PRKG2: variants seen among roughly 807,000 people sequenced by gnomAD.
PRKG2 encodes the protein protein kinase cGMP-dependent 2.
In PRKG2, 33 loss-of-function variants were observed where a neutral mutation model predicts 97.2. The ratio of observed to expected loss-of-function variants is 0.34; its 90% CI spans 0.26 to 0.45. PRKG2 has a LOEUF of 0.45. PRKG2 is among the 20% of genes least tolerant of loss of function. The pLI is 1.00. For synonymous variants in PRKG2, 330 were observed against 321.8 expected (o/e 1.03, Z -0.27); for missense variants, 638 against 900.0 (o/e 0.71, Z 3.73).
chr4:81,156,576 T>A (rs6848802), intron 6 of PRKG2, among the ~76,000 whole-genome samples: 41 of 152,070 alleles, frequency 2.7e-4, no homozygotes, highest in South Asian at 2.1e-3. Flanking sequence ...TGCACCAAGC[T>A]GACCTAATAG....
chr4:81,155,375 A>C lies in PRKG2; in HGVS notation c.913-1654T>G, dbSNP rs1748964144. Among the ~76,000 whole-genome samples, 3 of 152,112 alleles carry C rather than the reference A, an allele frequency of 2.0e-5. No homozygotes were observed. The South Asian group carries it at 6.2e-4, about 32-fold the overall frequency. Reference sequence around the variant, plus strand: ...TGAAATGAAGCGAGAAGGGAAGTTTAGAGAAAAAAGATAAAAAGAAACGAG... The same window carrying C: ...TGAAATGAAGCGAGAAGGGAAGTTTCGAGAAAAAAGATAAAAAGAAACGAG... On this transcript the variant is annotated intron_variant, in intron 6 of 18. Transcript: ENST00000264399.
chr4:81,138,579 A>T (rs998881909), intron 12 of PRKG2, among the ~76,000 whole-genome samples: 41 of 152,282 alleles, frequency 2.7e-4, no homozygotes, highest in Non-Finnish European at 5.4e-4. Flanking sequence ...TTGAAAAAAA[A>T]ATATCCATTT....
At chr4:81,174,094 T>A (rs771553534) in intron 3 of PRKG2, among the ~76,000 whole-genome samples, 1 of 152,038 alleles carries the variant, frequency 6.6e-6, no homozygotes, top group Non-Finnish European at 1.5e-5. Flanking sequence ...CAAAAATAAA[T>A]CATTTGCCTA....
intron 2 of PRKG2, among the ~76,000 whole-genome samples, chr4:81,182,628 T>G (rs1056748350): frequency 6.6e-6 from 1 of 152,050 alleles, no homozygotes; most frequent in Non-Finnish European, 1.5e-5. Context: ...TTCCAAAAGA[T>G]ATGATTATGT....
chr4:81,121,246 G>A (rs1213644055), intron 14 of PRKG2, among the ~76,000 whole-genome samples: 1 of 151,992 alleles, frequency 6.6e-6, no homozygotes, highest in Non-Finnish European at 1.5e-5. Context: ...ATATTGGTCT[G>A]TAGTTTTTTA....
At position 81,152,003 on chromosome 4, in the gene PRKG2, T is replaced by C. The variant is rs1457342227; in HGVS notation, c.1042A>G (p.Thr348Ala). The C allele has an allele frequency of 1.2e-6, 2 of 1,613,266 alleles. No homozygotes were observed. The highest frequency in any genetic ancestry group is 1.7e-6 in the Non-Finnish European group (2 of 1,179,586). Residue 348 changes from threonine to alanine, a missense_variant, in exon 8 of 19, where the codon ACA becomes GCA. Coordinates refer to ENST00000264399, the MANE Select transcript of PRKG2 (RefSeq NM_006259.3). The stretch of plus-strand genomic sequence containing the variant: ...CCAAAGTATTCTCCTTTCTGCAGTG[T>C]TTTTATCAGCTGTGGTTGATCATGG... The part of the protein sequence containing the change: ...EGHDQPQLIK[T>A]LQKGEYFGEK...
At chr4:81,172,093 T>C (rs1029904302) in intron 3 of PRKG2, among the ~76,000 whole-genome samples, 1 of 151,884 alleles carries the variant, frequency 6.6e-6, no homozygotes, top group Non-Finnish European at 1.5e-5. Context: ...TGAAATAAGT[T>C]AATCTAGGTA....
intron 2 of PRKG2, among the ~76,000 whole-genome samples, chr4:81,203,726 GCA>G (rs147529509): frequency 6.0e-5 from 9 of 150,430 alleles, no homozygotes; most frequent in South Asian, 4.2e-4. Flanking sequence ...ACATGTGTGC[GCA>G]CACACACACA....
intron 10 of PRKG2, among the ~76,000 whole-genome samples, chr4:81,143,899 C>T (rs1184787494): frequency 1.3e-5 from 2 of 152,184 alleles, no homozygotes; most frequent in African/African-American, 4.8e-5. Flanking sequence ...TATAACCCTG[C>T]TCTTTACCTC....
rs961304241 is a variant in PRKG2 at position 81,178,513 on chromosome 4, G to A, written c.462-3554C>T. 4.6e-5 allele frequency among the ~76,000 whole-genome samples: 7 copies of A among 152,116 alleles called. No individual in the cohort carries two copies. The East Asian group carries it at 9.7e-4, about 21-fold the overall frequency. On this transcript the variant is annotated intron_variant, in intron 2 of 18. Transcript: ENST00000264399. The stretch of plus-strand genomic sequence containing the variant: ...ACAAATGGAGATGTCAGTAGAAAAC[G>A]TGAATATTTAAAGAAATCAAATGGA...
chr4:81,110,666 T>A (rs1243370767), intron 14 of PRKG2, 55 bp from the exon 15 acceptor site: 1 of 1,593,556 alleles, frequency 6.3e-7, no homozygotes, highest in African/African-American at 1.4e-5. Context: ...ATGCTCCTCT[T>A]TAAGCCTCCC....
At position 81,105,812 on chromosome 4, in the gene PRKG2, C is replaced by T. The variant is rs1234447732; in HGVS notation, c.2063+1G>A. ...AAGGGGTTACTGACTGTCATTCTCA[C>T]CTGCAAAGCCTCCGAATCAAATCCT... On this transcript the variant is annotated splice_donor_variant, in intron 16 of 18. Coordinates refer to ENST00000264399, the MANE Select transcript of PRKG2 (RefSeq NM_006259.3). LOFTEE classifies it high-confidence loss of function. 2 of 1,613,604 alleles carry T rather than the reference C, an allele frequency of 1.2e-6. No individual in the cohort carries two copies. The highest frequency in any genetic ancestry group is 1.1e-5 in the South Asian group (1 of 91,068).
At chr4:81,139,132 A>G (rs1747002247) in intron 12 of PRKG2, among the ~76,000 whole-genome samples, 1 of 152,192 alleles carries the variant, frequency 6.6e-6, no homozygotes, top group South Asian at 2.1e-4. Flanking sequence ...GTGGTCTATA[A>G]TAATTAATAT....
chr4:81,118,125 T>G (rs1192652851), intron 14 of PRKG2, among the ~76,000 whole-genome samples: 1 of 152,250 alleles, frequency 6.6e-6, no homozygotes, highest in East Asian at 1.9e-4. Context: ...CTTTTTTCAC[T>G]TAATAATATG....
In PRKG2 at chr4:81,107,255, G is replaced by A. The variant is rs536491150; in HGVS notation, c.1941-1320C>T. ...GCAGGAAGGTAGATTTATGACATAG[G>A]CATTTAGGAAAGGGGTTAAGGCTCA... On this transcript the variant is annotated intron_variant, in intron 15 of 18. Transcript: ENST00000264399. Among the ~76,000 whole-genome samples, 38 of 152,238 alleles carry A rather than the reference G, an allele frequency of 2.5e-4. 2 individuals carry two copies. The South Asian group carries it at 7.2e-3, about 29-fold the overall frequency.
At chr4:81,101,048 T>C (rs1332034061) in intron 17 of PRKG2, among the ~76,000 whole-genome samples, 3 of 151,876 alleles carry the variant, frequency 2.0e-5, no homozygotes, top group Non-Finnish European at 4.4e-5. Context: ...ATGGCGATCA[T>C]TAAAAAGTCA....
chr4:81,176,609 T>C (rs1213013001), intron 2 of PRKG2, among the ~76,000 whole-genome samples: 1 of 152,172 alleles, frequency 6.6e-6, no homozygotes, highest in Non-Finnish European at 1.5e-5. Flanking sequence ...TGCCCACATA[T>C]ACTAATTTTC....
chr4:81,204,719 G>A lies in PRKG2; in HGVS notation c.329C>T (p.Ser110Phe). ...KVPLEVHRKT[S>F]GLVSLHSRRG... ...CCTGCTATGGAGAGAGACCAATCCAGAGGTCTTCCGGTGGACCTCAAGAGG... is the reference window on the plus strand; with the variant it reads ...CCTGCTATGGAGAGAGACCAATCCAAAGGTCTTCCGGTGGACCTCAAGAGG... The change falls in exon 2 of 19, where the codon TCT (serine) becomes TTT (phenylalanine). Residue 110 changes from serine to phenylalanine, a missense_variant. Coordinates refer to ENST00000264399, the MANE Select transcript of PRKG2 (RefSeq NM_006259.3). The A allele has an allele frequency of 6.2e-7, 1 of 1,614,190 alleles. No homozygotes were observed. The highest frequency in any genetic ancestry group is 8.5e-7 in the Non-Finnish European group (1 of 1,180,022).
At chr4:81,145,385 T>A (rs532318301) in intron 9 of PRKG2, among the ~76,000 whole-genome samples, 26 of 152,276 alleles carry the variant, frequency 1.7e-4, no homozygotes, top group African/African-American at 6.0e-4. Context: ...CTATATATAT[T>A]TTAAATCAAG....
Sources: allele counts gnomAD v4.1 joint callset (sites outside exome capture counted in the v4.1 genomes callset), GRCh38; gene constraint gnomAD v4.1.1; transcripts MANE v1.5; gene names NCBI Gene and HGNC (gene_info 2026-07-23, HGNC 2026-07-21).